The following CCAR2 variants were observed in gnomAD, a reference collection of about 807,000 sequenced individuals.
CCAR2 encodes the protein cell cycle and apoptosis regulator 2, also known as cell cycle and apoptosis regulator protein 2.
Under a neutral mutation model 108.1 loss-of-function variants are expected in CCAR2, and 21 were observed. The ratio of observed to expected loss-of-function variants is 0.19; its 90% CI spans 0.14 to 0.28. CCAR2 has a LOEUF of 0.28. Among genes scored for constraint, CCAR2 ranks in the 10% least tolerant of loss-of-function variants. The pLI, the probability that CCAR2 is intolerant of heterozygous loss-of-function variation, is 1.00. For synonymous variants in CCAR2, 577 were observed against 472.8 expected (o/e 1.22, Z -2.86); for missense variants, 1,126 against 1,177.0 (o/e 0.96, Z 0.63).
chr8:22,616,276 A>G, intron 14 of CCAR2, 28 bp downstream of exon 14: 1 of 1,603,866 alleles, frequency 6.2e-7, no homozygotes, highest in Non-Finnish European at 8.5e-7. Context: ...TCGGGCTGTC[A>G]TAGTGCTTAC....
intron 7 of CCAR2, 139 bp from the exon 8 acceptor site, chr8:22,612,878 C>T (rs1392993349): frequency 3.4e-6 from 3 of 885,614 alleles, no homozygotes; most frequent in Middle Eastern, 3.6e-4. Flanking sequence ...AACATTCTGT[C>T]ATATGGCTGT....
chr8:22,619,276 G>A lies in CCAR2; in HGVS notation c.2648G>A (p.Ser883Asn). 1.3e-6 allele frequency: 2 copies of A among 1,564,662 alleles called. No individual in the cohort carries two copies. Among genetic ancestry groups the A allele is most frequent in the Non-Finnish European group, 8.7e-7 (1 of 1,155,310 alleles). The change falls in exon 20 of 21, where the codon AGC (serine) becomes AAC (asparagine). Residue 883 changes from serine (S) to asparagine (N), a missense_variant. By Grantham distance (46) the Ser-to-Asn change is conservative. Transcript: ENST00000308511. ...GCCCGGACGGCGGAGCGACAGAAGA[G>A]CCAGCTCCAGCGGCTGCTGCAGGAG... ...ETARTAERQK[S>N]QLQRLLQELR...
chr8:22,606,030 C>T, intron 2 of CCAR2, 55 bp from the exon 3 acceptor site: 1 of 1,503,458 alleles, frequency 6.7e-7, no homozygotes, highest in Non-Finnish European at 9.3e-7. Flanking sequence ...CTTTGGTTGA[C>T]TCGTGCTTAA....
chr8:22,621,333 C>T (rs2117486261), downstream of CCAR2: 1 of 1,487,524 alleles, frequency 6.7e-7, no homozygotes, highest in East Asian at 2.5e-5. Context: ...CCTCTGTCCC[C>T]AGCCTGTGAG....
At chr8:22,613,178 A>G (rs779792177) in intron 8 of CCAR2, 42 bp downstream of exon 8, 20 of 1,510,838 alleles carry the variant, frequency 1.3e-5, no homozygotes, top group Non-Finnish European at 1.8e-5. Context: ...TGCTGCTGGT[A>G]ATAGTTTCTT....
intron 1 of CCAR2, 155 bp from the exon 2 acceptor site, chr8:22,605,581 T>G: frequency 1.7e-6 from 1 of 593,536 alleles, no homozygotes; most frequent in Non-Finnish European, 3.0e-6. Context: ...TTTCATTTCT[T>G]TCTTCTCTAT....
At chr8:22,619,487 C>T (rs1418066938) in intron 20 of CCAR2, 132 bp downstream of exon 20, 3 of 1,400,978 alleles carry the variant, frequency 2.1e-6, no homozygotes, top group African/African-American at 1.4e-5. Context: ...CCATCGCTTG[C>T]CAGGCAGTGT....
rs1462235809 is a variant in CCAR2 at position 22,615,133 on chromosome 8, GCCT to G, written c.1205+134_1205+136del. 3.2e-6 allele frequency: 4 copies of G among 1,258,850 alleles called. No individual in the cohort carries two copies. In the Admixed American group the frequency reaches 8.6e-5, roughly 27 times the overall value. The allele number at this position is 1,258,850 out of a possible 1,614,324, so 78.0% of individuals were successfully genotyped here. A position where few individuals can be genotyped will look rare whatever the true frequency, so the allele number is the denominator to read the frequency against. On this transcript the variant is annotated intron_variant, in intron 11 of 20. Transcript: ENST00000308511. ...TAGTCCCGTTCCTTCCCCCTCTGGT[GCCT>G]CAGGGTAGGGTGGGGTGTATGCCAA... is the stretch of plus-strand genomic sequence containing the variant.
In CCAR2 at chr8:22,615,573, C is replaced by G; in HGVS notation, c.1354C>G (p.Pro452Ala). 1 of 1,613,886 alleles carries G rather than the reference C, an allele frequency of 6.2e-7. No individual in the cohort carries two copies. The highest frequency in any genetic ancestry group is 2.2e-5 in the East Asian group (1 of 44,876). Residue 452 changes from proline to alanine, a missense_variant, in exon 12 of 21, where the codon CCC (proline) becomes GCC (alanine). Physicochemically the swap from Pro to Ala is conservative, Grantham distance 27. Coordinates refer to ENST00000308511, the MANE Select transcript of CCAR2 (RefSeq NM_001393997.1). ...LCQQKAAEAA[P>A]PTQEAQGETE... is the part of the protein sequence containing the mutation. ...CCAGCAGAAAGCTGCAGAGGCAGCT[C>G]CCCCAACCCAGGAGGCACAAGGGGT...
intron 6 of CCAR2, among the ~76,000 whole-genome samples, chr8:22,607,574 TCTC>T (rs1801125141): frequency 6.6e-6 from 1 of 151,244 alleles, no homozygotes; most frequent in Non-Finnish European, 1.5e-5. Flanking sequence ...TTCAAGCAAT[TCTC>T]CTGCCTCAGC....
At position 22,608,071 on chromosome 8, in the gene CCAR2, AG is replaced by A. The variant is rs1801147128; in HGVS notation, c.584+8del. The A allele has an allele frequency of 2.5e-6, 4 of 1,608,456 alleles. No individual in the cohort carries two copies. The highest frequency in any genetic ancestry group is 2.7e-5 in the African/African-American group (2 of 74,698). On this transcript the variant is annotated splice_region_variant and intron_variant, in intron 7 of 20. Coordinates refer to ENST00000308511, the MANE Select transcript of CCAR2 (RefSeq NM_001393997.1). ...CGGTTGGATCAGGGCCGAAGGTAAGAGGATGATGTCCCTTTTTTTGGCCACT... is the reference window on the plus strand; with the variant it reads ...CGGTTGGATCAGGGCCGAAGGTAAGAGATGATGTCCCTTTTTTTGGCCACT...
chr8:22,607,361 T>C, intron 6 of CCAR2, 36 bp downstream of exon 6: 2 of 1,603,314 alleles, frequency 1.2e-6, no homozygotes, highest in Middle Eastern at 1.7e-4. Context: ...GGTGTGGCAT[T>C]ATGGGGTAGT....
Position 22,619,306 on chromosome 8 carries a change from G to A in CCAR2, c.2678G>A (p.Arg893His), listed in dbSNP as rs202244957. 39 of 1,563,940 alleles carry A rather than the reference G, an allele frequency of 2.5e-5. No individual in the cohort carries two copies. The highest frequency in any genetic ancestry group is 3.4e-5 in the Non-Finnish European group (39 of 1,155,034). The change falls in exon 20 of 21, where the codon CGC becomes CAC. Residue 893 changes from arginine (R) to histidine (H), a missense_variant. Physicochemically the swap from Arg to His is conservative, Grantham distance 29. Around this residue, in one of 4 missense-constraint regions of CCAR2, gnomAD observed 1,013 missense variants for 993.9 expected, o/e 1.02. Coordinates refer to ENST00000308511, the MANE Select transcript of CCAR2 (RefSeq NM_001393997.1). ...CTCCAGCGGCTGCTGCAGGAGCTCC[G>A]CAGGCGTCTGACCCCCCTGCAGCTG... ...SQLQRLLQEL[R>H]RRLTPLQLEI...
intron 3 of CCAR2, 70 bp from the exon 4 acceptor site, chr8:22,606,537 C>G: frequency 7.9e-7 from 1 of 1,260,126 alleles, no homozygotes; most frequent in Admixed American, 1.8e-5. Context: ...TGAGATGAGA[C>G]CTTCATGGCA....
At chr8:22,607,067 T>G in intron 5 of CCAR2, 43 bp downstream of exon 5, 1 of 1,610,656 alleles carries the variant, frequency 6.2e-7, no homozygotes, top group Non-Finnish European at 8.5e-7. Flanking sequence ...AGGGAAGGGA[T>G]GGAAGCCCCT....
chr8:22,620,528 C>G (rs1212775243), downstream of CCAR2: 1 of 151,844 alleles, frequency 6.6e-6, no homozygotes, highest in Non-Finnish European at 1.5e-5. Flanking sequence ...CGCGTGCCCT[C>G]CCACCCAGCG....
At position 22,617,578 on chromosome 8, in the gene CCAR2, T is replaced by C. The variant is rs199519827; in HGVS notation, c.1990+14T>C. The C allele has an allele frequency of 3.1e-6, 5 of 1,603,918 alleles. No homozygotes were observed. In the African/African-American group the frequency reaches 6.7e-5, roughly 22 times the overall value. On this transcript the variant is annotated intron_variant, in intron 15 of 20. Coordinates refer to ENST00000308511, the MANE Select transcript of CCAR2 (RefSeq NM_001393997.1). ...AGGAGGAGTTTGGTATGTTGAGTGG[T>C]GAGAGGGGAGCTTGCAGGCTTGGGA...
chr8:22,617,905 G>A, intron 16 of CCAR2, 127 bp downstream of exon 16: 1 of 971,140 alleles, frequency 1.0e-6, no homozygotes, highest in South Asian at 1.5e-5. Context: ...ACACAGTGTG[G>A]TCCTTGGCTC....
intron 7 of CCAR2, among the ~76,000 whole-genome samples, chr8:22,611,863 T>C (rs1390352851): frequency 6.6e-6 from 1 of 152,234 alleles, no homozygotes; most frequent in Non-Finnish European, 1.5e-5. Flanking sequence ...GGACAAATTT[T>C]CAAGAGTGTA....
Sources: gnomAD v4.1 joint callset for allele counts (sites outside exome capture counted in the v4.1 genomes callset) on GRCh38, gnomAD v4.1.1 for gene constraint, gnomAD v4.1.1 regional missense constraint, MANE v1.5 for transcripts, NCBI Gene and HGNC (gene_info 2026-07-23, HGNC 2026-07-21) for gene names.